Variants in NCKAP5 observed in about 807,000 individuals in gnomAD.
NCKAP5 encodes the protein nck-associated protein 5.
Under a neutral mutation model 167.0 loss-of-function variants are expected in NCKAP5, and 92 were observed. That is an observed-to-expected ratio of 0.55 (90% CI 0.47 to 0.66). The LOEUF is 0.66. Ranked by LOEUF, NCKAP5 falls within the 30% of genes least tolerant of loss-of-function variation. The pLI is 0.00. For synonymous variants in NCKAP5, 891 were observed against 877.4 expected (o/e 1.02, Z -0.27); for missense variants, 2,378 against 2,315.0 (o/e 1.03, Z -0.56).
chr2:133,530,666 A>C (rs568229922), intron 2 of NCKAP5, among the ~76,000 whole-genome samples: 3 of 152,138 alleles, frequency 2.0e-5, no homozygotes, highest in Non-Finnish European at 2.9e-5. Flanking sequence ...GATGGTGCTC[A>C]TTTCTCCACC....
chr2:133,044,277 G>C (rs935971014), intron 6 of NCKAP5, among the ~76,000 whole-genome samples: 2 of 151,998 alleles, frequency 1.3e-5, no homozygotes, highest in Non-Finnish European at 2.9e-5. Context: ...TCTGTTCATC[G>C]AAAGACGCAA....
At chr2:133,035,408 A>G in intron 6 of NCKAP5, among the ~76,000 whole-genome samples, 1 of 152,020 alleles carries the variant, frequency 6.6e-6, no homozygotes, top group East Asian at 1.9e-4. Flanking sequence ...TCAACCAGAT[A>G]GATCTAACAG....
intron 3 of NCKAP5, among the ~76,000 whole-genome samples, chr2:133,429,994 T>C (rs922043007): frequency 4.6e-5 from 7 of 152,190 alleles, no homozygotes; most frequent in South Asian, 2.1e-4. Flanking sequence ...TGTTATTTTT[T>C]AACTTTTTAA....
intron 8 of NCKAP5, among the ~76,000 whole-genome samples, chr2:132,902,701 G>C (rs1335326863): frequency 3.3e-5 from 5 of 152,236 alleles, no homozygotes; most frequent in Admixed American, 2.0e-4. Flanking sequence ...AGGCCTCTTT[G>C]TGATGTCTTA....
chr2:133,304,238 T>C (rs557957639), intron 3 of NCKAP5, among the ~76,000 whole-genome samples: 1 of 152,306 alleles, frequency 6.6e-6, no homozygotes, highest in South Asian at 2.1e-4. Context: ...GTTGATCCCA[T>C]ATAATGGAAA....
intron 2 of NCKAP5, among the ~76,000 whole-genome samples, chr2:133,522,746 C>CTCTTTGAG (rs1264108288): frequency 1.3e-5 from 2 of 152,200 alleles, no homozygotes; most frequent in Non-Finnish European, 2.9e-5. Flanking sequence ...TTCGGATACA[C>CTCTTTGAG]CCAAGCCTCA....
chr2:133,384,468 A>G (rs552518314), intron 3 of NCKAP5, among the ~76,000 whole-genome samples: 4 of 152,288 alleles, frequency 2.6e-5, no homozygotes, highest in East Asian at 3.9e-4. Context: ...GCCTTGTAGT[A>G]TAGTTTGAAG....
chr2:133,655,896 C>G, the NCKAP5 span, among the ~76,000 whole-genome samples: 1 of 152,130 alleles, frequency 6.6e-6, no homozygotes, highest in Admixed American at 6.5e-5. Context: ...CACTCAAGGC[C>G]AGAGGGATGG....
chr2:133,205,445 G>T (rs1294728608), intron 5 of NCKAP5, among the ~76,000 whole-genome samples: 1 of 151,854 alleles, frequency 6.6e-6, no homozygotes, highest in East Asian at 1.9e-4. Flanking sequence ...TATATGTGTG[G>T]GTCTACTTCA....
chr2:133,063,660 G>C (rs1276065508), intron 6 of NCKAP5, among the ~76,000 whole-genome samples: 1 of 151,998 alleles, frequency 6.6e-6, no homozygotes, highest in Non-Finnish European at 1.5e-5. Flanking sequence ...GCTTTTCTTG[G>C]CATTTTAACT....
chr2:133,636,859 A>C, the NCKAP5 span, among the ~76,000 whole-genome samples: 1 of 152,086 alleles, frequency 6.6e-6, no homozygotes, highest in Non-Finnish European at 1.5e-5. Context: ...TTGAAAGACT[A>C]GATGCTCCAT....
chr2:133,219,038 T>C (rs1232689113), intron 4 of NCKAP5, among the ~76,000 whole-genome samples: 1 of 152,196 alleles, frequency 6.6e-6, no homozygotes, highest in Non-Finnish European at 1.5e-5. Flanking sequence ...TCAACACGAA[T>C]GGGCTATCTC....
At chr2:132,811,135 C>T (rs1256277476) in intron 11 of NCKAP5, among the ~76,000 whole-genome samples, 1 of 152,182 alleles carries the variant, frequency 6.6e-6, no homozygotes, top group Non-Finnish European at 1.5e-5. Flanking sequence ...ATGGGTCTCT[C>T]AGCCATGGAT....
chr2:132,929,933 C>T (rs1696234015), intron 8 of NCKAP5: 1 of 152,140 alleles, frequency 6.6e-6, no homozygotes, highest in South Asian at 2.1e-4. Context: ...GGGCGTAAAA[C>T]AGCAGCTGTT....
At chr2:133,439,056 C>G (rs1450996846) in intron 3 of NCKAP5, among the ~76,000 whole-genome samples, 1 of 152,114 alleles carries the variant, frequency 6.6e-6, no homozygotes, top group Admixed American at 6.6e-5. Flanking sequence ...TTGAGTCATG[C>G]AAGAATATAG....
At chr2:133,479,049 T>C (rs987044335) in intron 3 of NCKAP5, among the ~76,000 whole-genome samples, 2 of 152,220 alleles carry the variant, frequency 1.3e-5, no homozygotes, top group Admixed American at 1.3e-4. Flanking sequence ...AGTGTTCAAA[T>C]ATATCATTAA....
intron 4 of NCKAP5, among the ~76,000 whole-genome samples, chr2:133,269,857 A>G (rs1291959368): frequency 6.6e-6 from 1 of 152,218 alleles, no homozygotes; most frequent in African/African-American, 2.4e-5. Context: ...ATAGCAAGAA[A>G]GATAATGAGA....
At chr2:133,634,081 T>G in the NCKAP5 span, among the ~76,000 whole-genome samples, 3 of 152,226 alleles carry the variant, frequency 2.0e-5, no homozygotes, top group African/African-American at 7.2e-5. Context: ...CTCCAGCTAT[T>G]ATCTATTAAG....
chr2:132,993,635 T>A (rs940395842), intron 7 of NCKAP5, among the ~76,000 whole-genome samples: 1 of 152,200 alleles, frequency 6.6e-6, no homozygotes, highest in Non-Finnish European at 1.5e-5. Flanking sequence ...ATTACTTAAT[T>A]ATCTGGAGAT....
Sources: allele counts gnomAD v4.1 joint callset (sites outside exome capture counted in the v4.1 genomes callset), GRCh38; gene constraint gnomAD v4.1.1; transcripts MANE v1.5; gene names NCBI Gene and HGNC (gene_info 2026-07-23, HGNC 2026-07-21).